Variants in SLC43A1 observed in about 807,000 individuals in gnomAD.
SLC43A1 encodes solute carrier family 43 member 1, also known as large neutral amino acids transporter small subunit 3.
In SLC43A1, 31 loss-of-function variants were observed where a neutral mutation model predicts 59.5. That is an observed-to-expected ratio of 0.52 (90% CI 0.39 to 0.70). SLC43A1 has a LOEUF of 0.70. SLC43A1 is among the 30% of genes least tolerant of loss of function. The pLI, the probability that SLC43A1 is intolerant of heterozygous loss-of-function variation, is 0.00. For missense variants in SLC43A1, 598 were observed against 717.8 expected (o/e 0.83, Z 1.91); for synonymous variants, 259 against 290.9 (o/e 0.89, Z 1.12).
intron 8 of SLC43A1, among the ~76,000 whole-genome samples, chr11:57,493,312 G>A (rs1352717723): frequency 1.3e-5 from 2 of 152,084 alleles, no homozygotes; most frequent in Non-Finnish European, 1.5e-5. Flanking sequence ...ACTGCACACC[G>A]TTTTGCACTT....
intron 5 of SLC43A1, among the ~76,000 whole-genome samples, chr11:57,498,636 C>T (rs1164420144): frequency 6.6e-6 from 1 of 152,026 alleles, no homozygotes; most frequent in Admixed American, 6.6e-5. Context: ...ATAGGCAGTG[C>T]CTCTTAACCC....
chr11:57,496,443 A>C (rs1312970749), intron 6 of SLC43A1, among the ~76,000 whole-genome samples: 1 of 152,194 alleles, frequency 6.6e-6, no homozygotes, highest in Non-Finnish European at 1.5e-5. Flanking sequence ...TGAAATTTCC[A>C]TTATCTTAAA....
intron 8 of SLC43A1, among the ~76,000 whole-genome samples, chr11:57,492,483 AAAT>A (rs1180928768): frequency 3.0e-5 from 4 of 134,692 alleles, no homozygotes; most frequent in African/African-American, 8.4e-5. Flanking sequence ...TATATATAAA[AAAT>A]AATATAATAT....
intron 2 of SLC43A1, among the ~76,000 whole-genome samples, chr11:57,501,631 C>G (rs915573177): frequency 6.6e-6 from 1 of 152,064 alleles, no homozygotes; most frequent in Non-Finnish European, 1.5e-5. Flanking sequence ...GGTTGTGGAC[C>G]CCCAACAAGA....
chr11:57,497,714 T>C (rs1203221602), intron 6 of SLC43A1, 39 bp downstream of exon 6: 12 of 1,542,614 alleles, frequency 7.8e-6, no homozygotes, highest in Admixed American at 3.4e-5. Flanking sequence ...CACCCGGTTC[T>C]TGTGTCAAGA....
chr11:57,486,506 A>T (rs1371828863), intron 14 of SLC43A1, among the ~76,000 whole-genome samples: 1 of 151,542 alleles, frequency 6.6e-6, no homozygotes, highest in Non-Finnish European at 1.5e-5. Flanking sequence ...TACAAAAAAA[A>T]AAAAACAATA....
At position 57,484,785 on chromosome 11, in the gene SLC43A1, G is replaced by A. The variant is rs1943682953; in HGVS notation, c.*311C>T. 7.6e-6 allele frequency: 2 copies of A among 263,904 alleles called. No individual in the cohort carries two copies. Among genetic ancestry groups the A allele is most frequent in the Non-Finnish European group, 1.5e-5 (2 of 137,466 alleles). The allele number at this position is 263,904 out of a possible 1,614,324, so 16.3% of individuals were successfully genotyped here. On this transcript the variant is annotated 3_prime_UTR_variant, in exon 15 of 15. Coordinates refer to ENST00000278426, the MANE Select transcript of SLC43A1 (RefSeq NM_003627.6). ...AGCCTGTTTGCCGATCCCCCCAAGA[G>A]GTACCAGGAGGCAGACCGCTAGAAG...
chr11:57,490,310 A>T (rs566149360), intron 11 of SLC43A1, among the ~76,000 whole-genome samples: 57 of 136,562 alleles, frequency 4.2e-4, no homozygotes, highest in South Asian at 3.4e-3. Context: ...CTGTCTCAAT[A>T]AAAAAAAAAA....
chr11:57,488,185 G>A (rs1390003297), intron 13 of SLC43A1, among the ~76,000 whole-genome samples: 2 of 152,174 alleles, frequency 1.3e-5, no homozygotes, highest in East Asian at 3.9e-4. Flanking sequence ...CAATAATCCA[G>A]GCTAGAGATG....
intron 13 of SLC43A1, among the ~76,000 whole-genome samples, chr11:57,488,348 C>T (rs115330477): frequency 2.3e-3 from 354 of 152,210 alleles, no homozygotes; most frequent in African/African-American, 8.3e-3. Context: ...CTGGCTTGAG[C>T]AGATGAAGGA....
intron 7 of SLC43A1, among the ~76,000 whole-genome samples, chr11:57,495,781 G>A (rs891234252): frequency 1.3e-5 from 2 of 151,808 alleles, no homozygotes; most frequent in Admixed American, 6.6e-5. Context: ...CCAGGACCAA[G>A]ACACTACACT....
chr11:57,513,565 A>C (rs1944606997), intron 2 of SLC43A1, among the ~76,000 whole-genome samples: 1 of 152,196 alleles, frequency 6.6e-6, no homozygotes, highest in Admixed American at 6.5e-5. Flanking sequence ...CAGCTCCTGA[A>C]AAGGGAAGGA....
At chr11:57,491,127 T>G in intron 11 of SLC43A1, 97 bp downstream of exon 11, 2 of 1,399,470 alleles carry the variant, frequency 1.4e-6, no homozygotes, top group Non-Finnish European at 1.9e-6. Context: ...CTAGGGTTCT[T>G]GGGAGAAAGC....
Position 57,491,600 on chromosome 11 carries a change from C to G in SLC43A1, c.1045G>C (p.Ala349Pro). 6.2e-7 allele frequency: 1 copy of G among 1,614,136 alleles called. No individual in the cohort carries two copies. Among genetic ancestry groups the G allele is most frequent in the Admixed American group, 1.7e-5 (1 of 60,026 alleles). ...GCTTTCATAGCCCTACCTGTCTCTGCCACCTTTTGTTGCTGTTCATTTGTC... is the reference window on the plus strand; with the variant it reads ...GCTTTCATAGCCCTACCTGTCTCTGGCACCTTTTGTTGCTGTTCATTTGTC... ...HETNEQQQKV[A>P]ETVGFYSSVF... Residue 349 changes from alanine (A) to proline (P), a missense_variant, in exon 10 of 15, where the codon GCA (alanine) becomes CCA (proline). Physicochemically the swap from Ala to Pro is conservative, Grantham distance 27. Coordinates refer to ENST00000278426, the MANE Select transcript of SLC43A1 (RefSeq NM_003627.6).
chr11:57,505,266 C>T (rs908873576), intron 2 of SLC43A1, among the ~76,000 whole-genome samples: 4 of 152,334 alleles, frequency 2.6e-5, no homozygotes, highest in Non-Finnish European at 5.9e-5. Flanking sequence ...AATCCCAGCA[C>T]TTTGGGAAGC....
intron 2 of SLC43A1, among the ~76,000 whole-genome samples, chr11:57,510,648 T>A (rs994610962): frequency 2.1e-4 from 32 of 151,212 alleles, no homozygotes; most frequent in African/African-American, 6.8e-4. Flanking sequence ...GTCTTAAAAA[T>A]ATATATATAT....
chr11:57,502,604 C>A (rs1443648472), intron 2 of SLC43A1, among the ~76,000 whole-genome samples: 1 of 152,156 alleles, frequency 6.6e-6, no homozygotes, highest in Non-Finnish European at 1.5e-5. Flanking sequence ...GGTGCAGTAG[C>A]TCACACCTGT....
chr11:57,507,441 G>T (rs963482763), intron 2 of SLC43A1, among the ~76,000 whole-genome samples: 2 of 152,184 alleles, frequency 1.3e-5, no homozygotes, highest in Admixed American at 6.5e-5. Flanking sequence ...CTGCACTCCA[G>T]TCTGGGCGAC....
At chr11:57,490,270 C>G (rs541743201) in intron 11 of SLC43A1, among the ~76,000 whole-genome samples, 101 of 151,268 alleles carry the variant, frequency 6.7e-4, no homozygotes, top group Non-Finnish European at 1.1e-3. Context: ...GATCGTGCCA[C>G]TGCACTCCAG....
Sources: gnomAD v4.1 joint callset for allele counts (sites outside exome capture counted in the v4.1 genomes callset) on GRCh38, gnomAD v4.1.1 for gene constraint, MANE v1.5 for transcripts, NCBI Gene and HGNC (gene_info 2026-07-23, HGNC 2026-07-21) for gene names.